Variants in TTC34 observed in about 807,000 individuals in gnomAD.
The protein encoded by TTC34 is tetratricopeptide repeat domain 34, also known as tetratricopeptide repeat protein 34.
TTC34 carries 44 observed loss-of-function variants against 40.7 expected under a neutral mutation model. The ratio of observed to expected loss-of-function variants is 1.08; its 90% confidence interval spans 0.85 to 1.39. The LOEUF (loss-of-function observed/expected upper bound fraction) is 1.39. Among genes scored for constraint, TTC34 ranks in the 40% most tolerant of loss-of-function variants. The pLI, the probability that TTC34 is intolerant of heterozygous loss-of-function variation, is 0.00. For synonymous variants in TTC34, 422 were observed against 398.6 expected (o/e 1.06, Z -0.70); for missense variants, 884 against 838.0 (o/e 1.05, Z -0.68).
chr1:2,787,226 A>G (rs1472517048), intron 4 of TTC34, among the ~76,000 whole-genome samples: 1 of 152,186 alleles, frequency 6.6e-6, no homozygotes, highest in Admixed American at 6.5e-5. Context: ...GCAGCTACGC[A>G]TGCAGGGAAA....
chr1:2,779,071 C>T (rs1004697044), intron 6 of TTC34, among the ~76,000 whole-genome samples: 1 of 152,176 alleles, frequency 6.6e-6, no homozygotes, highest in Non-Finnish European at 1.5e-5. Context: ...CCTTGAGGTT[C>T]ATCCATGTTG....
At chr1:2,686,391 G>A (rs1444750362) in intron 6 of TTC34, among the ~76,000 whole-genome samples, 173 of 145,486 alleles carry the variant, frequency 1.2e-3, no homozygotes, top group South Asian at 2.7e-3. Context: ...GTCTGGAGCA[G>A]CACCCACACC....
chr1:2,783,597 G>C lies in TTC34; in HGVS notation c.2226+12C>G. 1.4e-6 allele frequency: 2 copies of C among 1,400,758 alleles called. No homozygotes were observed. The highest frequency in any genetic ancestry group is 1.9e-6 in the Non-Finnish European group (2 of 1,060,372). 86.8% of individuals were successfully genotyped at this position (1,400,758 alleles called of 1,614,324 possible). ...GTGCTTGCCCAGGCCCAGGTCAGGA[G>C]TGGGGCGGCACCTGCAGCTGGTCTA... On this transcript the variant is annotated intron_variant, in intron 6 of 8. Transcript: ENST00000401095.
intron 8 of TTC34, 51 bp from the exon 9 acceptor site, chr1:2,641,946 G>T: frequency 7.0e-7 from 1 of 1,431,284 alleles, no homozygotes; most frequent in Non-Finnish European, 9.1e-7. Context: ...AGCCCCAAAA[G>T]CCCGGCCGCC....
At chr1:2,785,966 C>A in exon 5 of TTC34, 1 of 1,511,944 alleles carries the variant, frequency 6.6e-7, no homozygotes, top group Admixed American at 2.1e-5. Context: ...TGGCAGAAGA[C>A]GTCCAGGGTG....
chr1:2,755,699 C>G (rs1255362614), intron 6 of TTC34, among the ~76,000 whole-genome samples: 222 of 9,518 alleles, frequency 0.023, 41 homozygotes, highest in African/African-American at 0.095. Context: ...AGCAGCACCC[C>G]AAACCCACAG....
intron 6 of TTC34, among the ~76,000 whole-genome samples, chr1:2,691,625 C>T (rs1363782350): frequency 9.4e-6 from 1 of 105,852 alleles, no homozygotes; most frequent in Non-Finnish European, 2.2e-5. Flanking sequence ...ACCCTGCACC[C>T]CCAGGTGCGC....
intron 2 of TTC34, among the ~76,000 whole-genome samples, chr1:2,792,006 CTTTTTTTTTTTTT>C (rs376632144): frequency 1.0e-4 from 4 of 39,560 alleles, no homozygotes; most frequent in East Asian, 6.4e-4. Flanking sequence ...TTGCCATATG[CTTTTTTTTTTTTT>C]TTTTTTTTTT....
At chr1:2,748,000 C>T (rs1232790760) in intron 6 of TTC34, among the ~76,000 whole-genome samples, 2 of 67,768 alleles carry the variant, frequency 3.0e-5, no homozygotes, top group Non-Finnish European at 5.0e-5. Context: ...GCACCCACAC[C>T]CCAGGTGAGG....
intron 6 of TTC34, among the ~76,000 whole-genome samples, chr1:2,647,970 C>T (rs186615071): frequency 3.0e-4 from 46 of 151,512 alleles, no homozygotes; most frequent in African/African-American, 1.0e-3. Context: ...AGATATGCTG[C>T]GTTTCAGATC....
chr1:2,755,610 G>A (rs1410007947), intron 6 of TTC34, among the ~76,000 whole-genome samples: 10 of 117,964 alleles, frequency 8.5e-5, no homozygotes, highest in South Asian at 2.9e-4. Flanking sequence ...ACAGCCTGGA[G>A]CAGCACCCAC....
intron 6 of TTC34, among the ~76,000 whole-genome samples, chr1:2,759,592 C>A (rs1286898032): frequency 0.15 from 8,457 of 55,304 alleles, 7 homozygotes; most frequent in East Asian, 0.18. Flanking sequence ...TGGAACAGCA[C>A]CCACACCGCC....
At chr1:2,681,736 A>T (rs1305724379) in intron 6 of TTC34, among the ~76,000 whole-genome samples, 1 of 90,720 alleles carries the variant, frequency 1.1e-5, no homozygotes, top group Non-Finnish European at 2.7e-5. Context: ...CCTGGAGCGG[A>T]ACCCACGGCC....
intron 6 of TTC34, among the ~76,000 whole-genome samples, chr1:2,653,206 C>A (rs4648674): frequency 7.7e-3 from 395 of 51,360 alleles, no homozygotes; most frequent in Admixed American, 0.014. Context: ...AGAACCCACA[C>A]CCCCAGGTGA....
chr1:2,761,037 C>A (rs1249810134), intron 6 of TTC34, among the ~76,000 whole-genome samples: 2 of 73,084 alleles, frequency 2.7e-5, no homozygotes, highest in Admixed American at 1.2e-4. Context: ...TGGAGCAGCA[C>A]CCACAGTCCC....
At chr1:2,782,518 CTT>C (rs902762157) in intron 6 of TTC34, among the ~76,000 whole-genome samples, 2 of 148,346 alleles carry the variant, frequency 1.3e-5, no homozygotes, top group Admixed American at 6.8e-5. Flanking sequence ...TTCTCTCTCT[CTT>C]TCTTTCTCTT....
chr1:2,689,850 CCTG>C (rs1640533730), intron 6 of TTC34, among the ~76,000 whole-genome samples: 1 of 39,374 alleles, frequency 2.5e-5, no homozygotes. Context: ...GGAACAGCAC[CCTG>C]CACCCCCAGG....
At chr1:2,650,228 A>G (rs55720755) in intron 6 of TTC34, among the ~76,000 whole-genome samples, 2 of 129,340 alleles carry the variant, frequency 1.5e-5, no homozygotes, top group South Asian at 2.6e-4. Flanking sequence ...TCAGGTGAGC[A>G]TCTGACAGCC....
At chr1:2,683,779 G>T (rs1286013028) in intron 6 of TTC34, among the ~76,000 whole-genome samples, 29 of 150,054 alleles carry the variant, frequency 1.9e-4, no homozygotes, top group South Asian at 8.4e-4. Context: ...TGACAGGCTG[G>T]AGCAGCACGC....
Sources: gnomAD v4.1 joint callset for allele counts (sites outside exome capture counted in the v4.1 genomes callset) on GRCh38, gnomAD v4.1.1 for gene constraint, MANE v1.5 for transcripts, NCBI Gene and HGNC (gene_info 2026-07-23, HGNC 2026-07-21) for gene names.